The following NTN1 variants were observed in gnomAD, a reference collection of about 807,000 sequenced individuals.
NTN1 encodes netrin-1.
In NTN1, 11 loss-of-function variants were observed where a neutral mutation model predicts 54.2. That is an observed-to-expected ratio of 0.20 (90% CI 0.13 to 0.34). The LOEUF (loss-of-function observed/expected upper bound fraction) is 0.34, where lower values mean the gene tolerates loss of function less well. NTN1 is among the 10% of genes least tolerant of loss of function. NTN1 has a pLI of 1.00. For synonymous variants in NTN1, 371 were observed against 382.0 expected (o/e 0.97, Z 0.33); for missense variants, 740 against 893.1 (o/e 0.83, Z 2.18).
At chr17:9,058,871 A>G (rs1311596335) in intron 2 of NTN1, among the ~76,000 whole-genome samples, 1 of 152,032 alleles carries the variant, frequency 6.6e-6, no homozygotes, top group Non-Finnish European at 1.5e-5. Context: ...CAGACAGTAG[A>G]GTGGTTTAAG....
At chr17:9,146,624 C>T (rs528296075) in intron 2 of NTN1, among the ~76,000 whole-genome samples, 5 of 149,116 alleles carry the variant, frequency 3.4e-5, no homozygotes, top group Non-Finnish European at 5.9e-5. Flanking sequence ...TCTTTAGACA[C>T]ACCCTGGGGC....
At chr17:9,012,329 T>A in the NTN1 span, among the ~76,000 whole-genome samples, 42,889 of 151,736 alleles carry the variant, frequency 0.28, 6,198 homozygotes, top group South Asian at 0.38. Context: ...CTGGCCAACA[T>A]GGTAAAACCC....
In NTN1 at chr17:9,230,297, C is replaced by T. The variant is rs115038158; in HGVS notation, c.1486+9055C>T. On this transcript the variant is annotated intron_variant, in intron 6 of 6. Transcript: ENST00000173229. The stretch of plus-strand genomic sequence containing the variant: ...CCAGAGGCAGCTGATGTGATGGCTG[C>T]GAAAGGCCACCTCTCCCGAGCTTGC... Among the ~76,000 whole-genome samples, 1,395 of 152,206 alleles carry T rather than the reference C, an allele frequency of 9.2e-3. 14 individuals are homozygous for T. Among genetic ancestry groups the T allele is most frequent in the Middle Eastern group, 0.054 (16 of 294 alleles).
At chr17:9,192,132 G>T (rs1904479703) in intron 5 of NTN1, among the ~76,000 whole-genome samples, 1 of 152,212 alleles carries the variant, frequency 6.6e-6, no homozygotes, top group Non-Finnish European at 1.5e-5. Flanking sequence ...ATTTGGCATT[G>T]TGTATCAAAA....
chr17:9,121,331 C>T (rs906127539), intron 2 of NTN1, among the ~76,000 whole-genome samples: 4 of 152,058 alleles, frequency 2.6e-5, no homozygotes, highest in East Asian at 1.9e-4. Flanking sequence ...CCTTGATGTG[C>T]GGGGGTAGCT....
intron 5 of NTN1, among the ~76,000 whole-genome samples, chr17:9,194,151 G>A (rs910576539): frequency 6.6e-6 from 1 of 151,500 alleles, no homozygotes. Flanking sequence ...CAGGAGAATC[G>A]CTTGAACCCA....
intron 2 of NTN1, among the ~76,000 whole-genome samples, chr17:9,151,521 CT>C (rs2092327621): frequency 1.3e-5 from 2 of 152,200 alleles, no homozygotes; most frequent in African/African-American, 4.8e-5. Flanking sequence ...ATCCACCCCT[CT>C]TCCACGGCAT....
intron 2 of NTN1, among the ~76,000 whole-genome samples, chr17:9,083,370 A>T (rs1222670649): frequency 6.6e-6 from 1 of 152,228 alleles, no homozygotes; most frequent in African/African-American, 2.4e-5. Flanking sequence ...TGCTGGGGTT[A>T]TGGGCGTGAG....
intron 3 of NTN1, among the ~76,000 whole-genome samples, chr17:9,170,099 G>A (rs754851052): frequency 1.1e-4 from 17 of 152,188 alleles, no homozygotes; most frequent in South Asian, 2.1e-4. Context: ...TTGGGATGCA[G>A]AGCTTTGAAA....
the NTN1 span, among the ~76,000 whole-genome samples, chr17:9,011,925 A>G: frequency 6.6e-6 from 1 of 152,126 alleles, no homozygotes; most frequent in East Asian, 1.9e-4. Flanking sequence ...AGAGCTGGTC[A>G]CCACTTTAAC....
At chr17:9,150,218 A>G (rs1022656768) in intron 2 of NTN1, among the ~76,000 whole-genome samples, 55 of 152,212 alleles carry the variant, frequency 3.6e-4, no homozygotes, top group Admixed American at 1.4e-3. Flanking sequence ...AATACATAAT[A>G]AATAAATAAG....
rs55982115 is a variant in NTN1 at position 9,038,265 on chromosome 17, C to CTCACACACACACACACACACACACA, written c.1018+14874_1018+14875insTCACACACACACACACACACACACA. On this transcript the variant is annotated intron_variant, in intron 2 of 6. Coordinates refer to ENST00000173229, the MANE Select transcript of NTN1 (RefSeq NM_004822.3). ...TGTCTTCTCCTCTCTTTCTCTCTCTCCACACACACACACACCTGAGATCAC... is the reference window on the plus strand; with the variant it reads ...TGTCTTCTCCTCTCTTTCTCTCTCTCTCACACACACACACACACACACACACACACACACACACACCTGAGATCAC... Among the ~76,000 whole-genome samples the CTCACACACACACACACACACACACA allele has an allele frequency of 6.5e-4, 93 of 144,178 alleles. 2 individuals carry two copies. Among genetic ancestry groups the CTCACACACACACACACACACACACA allele is most frequent in the African/African-American group, 1.4e-3 (52 of 37,728 alleles). 94.6% of individuals were successfully genotyped at this position (144,178 alleles called of 152,430 possible).
chr17:9,209,054 G>C (rs1340989763), intron 5 of NTN1, among the ~76,000 whole-genome samples: 1 of 152,210 alleles, frequency 6.6e-6, no homozygotes, highest in Non-Finnish European at 1.5e-5. Flanking sequence ...ATCACATGCA[G>C]TTGGCAGCAC....
chr17:9,214,296 TTCTG>T (rs1335070197), intron 5 of NTN1, among the ~76,000 whole-genome samples: 8 of 152,348 alleles, frequency 5.3e-5, no homozygotes, highest in East Asian at 1.9e-4. Context: ...CACTAAGGAT[TTCTG>T]TCTGTTTCAT....
At chr17:9,137,955 C>T (rs919161659) in intron 2 of NTN1, among the ~76,000 whole-genome samples, 2 of 152,178 alleles carry the variant, frequency 1.3e-5, no homozygotes, top group Admixed American at 6.5e-5. Context: ...GAGCTCAGGG[C>T]GGGCTCTATC....
intron 2 of NTN1, among the ~76,000 whole-genome samples, chr17:9,054,242 T>C (rs932510146): frequency 2.0e-5 from 3 of 152,204 alleles, no homozygotes; most frequent in African/African-American, 7.2e-5. Flanking sequence ...AGAGTGATTA[T>C]CTAGAACAAT....
chr17:9,221,219 A>G lies in NTN1; in HGVS notation c.1463A>G (p.Lys488Arg). The G allele has an allele frequency of 6.2e-7, 1 of 1,613,430 alleles. No individual in the cohort carries two copies. The highest frequency in any genetic ancestry group is 8.5e-7 in the Non-Finnish European group (1 of 1,179,652). ...AAGGGGAAGCTGAAGATTAACATGA[A>G]AAAGTACTGCAAGAAGGACTATGGT... ...ASKGKLKINM[K>R]KYCKKDYAVQ... Residue 488 changes from lysine to arginine, a missense_variant, in exon 6 of 7, where the codon AAA becomes AGA. By Grantham distance (26) the Lys-to-Arg change is conservative (BLOSUM62 2). Transcript: ENST00000173229. The surrounding 1 kb of genome is among the most constrained non-coding windows in gnomAD (Gnocchi z 4.5).
Position 9,147,158 on chromosome 17 carries a change from C to T in NTN1, c.1019-15655C>T, listed in dbSNP as rs373461130. 3.9e-5 allele frequency among the ~76,000 whole-genome samples: 6 copies of T among 152,318 alleles called. No homozygotes were observed. In the East Asian group the frequency reaches 1.2e-3, roughly 29 times the overall value. ...TTTGGATTCTTCCCGCATTTGCCCA[C>T]AGGGAAGCTCTGCTGCGCAGTCCCT... On this transcript the variant is annotated intron_variant, in intron 2 of 6. Transcript: ENST00000173229.
At chr17:9,174,282 A>T (rs574972329) in intron 3 of NTN1, 2 of 152,598 alleles carry the variant, frequency 1.3e-5, no homozygotes, top group South Asian at 4.1e-4. Context: ...GGTGACTTCC[A>T]CAGGGAGCCA....
Sources: allele counts gnomAD v4.1 joint callset (sites outside exome capture counted in the v4.1 genomes callset), GRCh38; gene constraint gnomAD v4.1.1; non-coding constraint Gnocchi (gnomAD v3.1); transcripts MANE v1.5; gene names NCBI Gene and HGNC (gene_info 2026-07-23, HGNC 2026-07-21).